The following TRPC4AP variants were observed in gnomAD, a reference collection of about 807,000 sequenced individuals.
TRPC4AP encodes short transient receptor potential channel 4-associated protein.
Under a neutral mutation model 99.0 loss-of-function variants are expected in TRPC4AP, and 45 were observed. That is an observed-to-expected ratio of 0.45 (90% CI 0.36 to 0.58). The LOEUF (loss-of-function observed/expected upper bound fraction) is 0.58, where lower values mean the gene tolerates loss of function less well. Ranked by LOEUF, TRPC4AP falls within the 20% of genes least tolerant of loss-of-function variation. The pLI is 0.00. For missense variants in TRPC4AP, 879 were observed against 985.3 expected, an observed-to-expected ratio of 0.89 and a Z score of 1.44; for synonymous variants, 408 against 385.8, an observed-to-expected ratio of 1.06 and a Z score of -0.67.
intron 9 of TRPC4AP, among the ~76,000 whole-genome samples, chr20:35,018,604 GAAAAA>G (rs11479211): frequency 6.2e-4 from 55 of 88,940 alleles, no homozygotes; most frequent in African/African-American, 1.4e-3. Context: ...CTCAAAAAAA[GAAAAA>G]AAAAAAAAAA....
At chr20:35,004,223 C>T (rs2082465455) in intron 17 of TRPC4AP, among the ~76,000 whole-genome samples, 3 of 152,280 alleles carry the variant, frequency 2.0e-5, no homozygotes, top group Admixed American at 6.5e-5. Flanking sequence ...ATGGGGGAGG[C>T]GGGGAGAGCA....
At chr20:35,087,104 C>T (rs1219789042) in intron 1 of TRPC4AP, among the ~76,000 whole-genome samples, 5 of 147,854 alleles carry the variant, frequency 3.4e-5, no homozygotes, top group Non-Finnish European at 7.4e-5. Flanking sequence ...CCGAGGTGGG[C>T]GGATCATGAG....
chr20:35,006,399 C>T (rs1444401610), intron 15 of TRPC4AP, 36 bp downstream of exon 15: 6 of 1,610,132 alleles, frequency 3.7e-6, no homozygotes, highest in Admixed American at 1.7e-5. Flanking sequence ...TTCTGGACAA[C>T]CCAGCACACT....
chr20:35,092,793 G>C lies in TRPC4AP; in HGVS notation c.-12C>G, dbSNP rs754702083. ...GGCGCCGCCGCCATGTCTCCTCGTCGGACAAACAGGAAGCAAGCGGCCTCG... is the reference window on the plus strand; with the variant it reads ...GGCGCCGCCGCCATGTCTCCTCGTCCGACAAACAGGAAGCAAGCGGCCTCG... On this transcript the variant is annotated 5_prime_UTR_variant, in exon 1 of 19. Coordinates refer to ENST00000252015, the MANE Select transcript of TRPC4AP (RefSeq NM_015638.3). 5.3e-6 allele frequency: 8 copies of C among 1,517,522 alleles called. No homozygotes were observed. In the South Asian group the frequency reaches 6.1e-5, roughly 12 times the overall value. 94.0% of individuals were successfully genotyped at this position (1,517,522 alleles called of 1,614,324 possible). A position where few individuals can be genotyped will look rare whatever the true frequency, so the allele number is the denominator to read the frequency against.
chr20:35,041,988 G>A (rs924786985), intron 7 of TRPC4AP, among the ~76,000 whole-genome samples: 1 of 152,150 alleles, frequency 6.6e-6, no homozygotes, highest in African/African-American at 2.4e-5. Context: ...CAGCTCTGAG[G>A]TATAATTTAG....
chr20:35,074,160 CTCTTT>C (rs959900740), intron 2 of TRPC4AP, among the ~76,000 whole-genome samples: 39 of 152,194 alleles, frequency 2.6e-4, no homozygotes, highest in Admixed American at 8.5e-4. Flanking sequence ...TGATTCTTCT[CTCTTT>C]TCTTATTAGT....
At chr20:35,063,488 A>C (rs1393882117) in intron 3 of TRPC4AP, among the ~76,000 whole-genome samples, 1 of 152,196 alleles carries the variant, frequency 6.6e-6, no homozygotes, top group Non-Finnish European at 1.5e-5. Context: ...GGCGTGATAA[A>C]AATGTTCTGG....
chr20:35,010,302 G>C lies in TRPC4AP; in HGVS notation c.1410-14C>G. The C allele has an allele frequency of 6.2e-7, 1 of 1,611,222 alleles. No individual in the cohort carries two copies. Among genetic ancestry groups the C allele is most frequent in the Non-Finnish European group, 8.5e-7 (1 of 1,177,452 alleles). ...AAGTACTTGTTCCTGAAACAAAATG[G>C]GTTGGAGGAGGTAAAGGACAGGAAC... On this transcript the variant is annotated splice_polypyrimidine_tract_variant and intron_variant, in intron 11 of 18. Coordinates refer to ENST00000252015, the MANE Select transcript of TRPC4AP (RefSeq NM_015638.3).
At chr20:35,013,181 G>T in intron 10 of TRPC4AP, 115 bp from the exon 11 acceptor site, 2 of 928,138 alleles carry the variant, frequency 2.2e-6, no homozygotes, top group Non-Finnish European at 3.4e-6. Flanking sequence ...CATGTACCAT[G>T]AGGACTTTTC....
At chr20:35,056,026 A>G (rs2083817684) in intron 4 of TRPC4AP, among the ~76,000 whole-genome samples, 1 of 152,190 alleles carries the variant, frequency 6.6e-6, no homozygotes, top group Admixed American at 6.5e-5. Flanking sequence ...CTAAGCTGCT[A>G]GGAATGCTAA....
intron 3 of TRPC4AP, 88 bp from the exon 4 acceptor site, chr20:35,057,659 ATC>A (rs2083872642): frequency 9.3e-7 from 1 of 1,080,632 alleles, no homozygotes; most frequent in Non-Finnish European, 1.4e-6. Context: ...TGGCCCATGT[ATC>A]TGTCACAGTA....
chr20:35,004,000 T>C (rs946403843), intron 17 of TRPC4AP, among the ~76,000 whole-genome samples: 1 of 151,976 alleles, frequency 6.6e-6, no homozygotes, highest in Non-Finnish European at 1.5e-5. Flanking sequence ...GGGAAAGAGT[T>C]CTGCCCCACT....
chr20:35,048,766 G>C (rs1272039768), intron 6 of TRPC4AP, among the ~76,000 whole-genome samples: 1 of 152,198 alleles, frequency 6.6e-6, no homozygotes, highest in African/African-American at 2.4e-5. Context: ...CCTATGCTGA[G>C]ACTGCTAAGG....
At chr20:35,018,982 A>G (rs1452739520) in intron 9 of TRPC4AP, among the ~76,000 whole-genome samples, 2 of 152,226 alleles carry the variant, frequency 1.3e-5, no homozygotes, top group African/African-American at 2.4e-5. Context: ...AACGACTGCT[A>G]TATGGATGGT....
chr20:35,006,482 C>T lies in TRPC4AP; in HGVS notation c.1780G>A (p.Val594Ile), dbSNP rs1325047589. 1.1e-5 allele frequency: 18 copies of T among 1,614,206 alleles called. No homozygotes were observed. The highest frequency in any genetic ancestry group is 1.5e-5 in the Non-Finnish European group (18 of 1,180,040). ...DLLGELMKFN[V>I]DAFKRFNKYI... ...TTATTGAATCTCTTGAATGCATCAA[C>T]GTTGAACTTCATCAGCTCCCCCAGG... Residue 594 changes from valine (V) to isoleucine (I), a missense_variant, in exon 15 of 19, where the codon GTT becomes ATT. Val to Ile is a conservative substitution (Grantham distance 29). Coordinates refer to ENST00000252015, the MANE Select transcript of TRPC4AP (RefSeq NM_015638.3).
chr20:35,092,724 C>T lies in TRPC4AP; in HGVS notation c.58G>A (p.Ala20Thr). Residue 20 changes from alanine (A) to threonine (T), a missense_variant, in exon 1 of 19, where the codon GCC becomes ACC. Ala to Thr is a moderately conservative substitution (Grantham distance 58, BLOSUM62 0). Coordinates refer to ENST00000252015, the MANE Select transcript of TRPC4AP (RefSeq NM_015638.3). ...CATCCGCCCCAAGCCGCCACTGTGG[C>T]TGCCGACCGTCTCCCTCGGCCGGCT... ...SGAGRGRRSA[A>T]TVAAWGGWGG... 1.3e-6 allele frequency: 2 copies of T among 1,559,600 alleles called. No individual in the cohort carries two copies. The highest frequency in any genetic ancestry group is 2.4e-5 in the East Asian group (1 of 40,990).
chr20:35,076,669 C>T (rs1387046665), intron 2 of TRPC4AP, among the ~76,000 whole-genome samples: 1 of 152,152 alleles, frequency 6.6e-6, no homozygotes, highest in Non-Finnish European at 1.5e-5. Context: ...TGTCAGTCGG[C>T]CCCTACTGGG....
In TRPC4AP at chr20:35,087,010, C is replaced by G. The variant is rs184205216; in HGVS notation, c.168+5604G>C. Among the ~76,000 whole-genome samples the G allele has an allele frequency of 7.0e-4, 104 of 149,630 alleles. 1 individual carries two copies. The East Asian group carries it at 0.013, about 19-fold the overall frequency. On this transcript the variant is annotated intron_variant, in intron 1 of 18. Coordinates refer to ENST00000252015, the MANE Select transcript of TRPC4AP (RefSeq NM_015638.3). ...ACTGTGCACTGCACTCCAGCCTGGG[C>G]AACAGCACGAGACTCCATCTCACAA...
chr20:35,050,798 G>T (rs2147378268), intron 5 of TRPC4AP, among the ~76,000 whole-genome samples: 1 of 152,028 alleles, frequency 6.6e-6, no homozygotes, highest in African/African-American at 2.4e-5. Context: ...AAACTAGCTG[G>T]TAAAAGACCT....
Sources: allele counts gnomAD v4.1 joint callset (sites outside exome capture counted in the v4.1 genomes callset), GRCh38; gene constraint gnomAD v4.1.1; transcripts MANE v1.5; gene names NCBI Gene and HGNC (gene_info 2026-07-23, HGNC 2026-07-21).